MTRES1: variants seen among roughly 807,000 people sequenced by gnomAD.
MTRES1 encodes the protein uncharacterized protein C6orf203.
A neutral mutation model predicts 17.4 loss-of-function variants in MTRES1; 11 were observed. That is an observed-to-expected ratio of 0.63 (90% CI 0.40 to 1.05). The LOEUF is 1.05. Among genes scored for constraint, MTRES1 ranks in the 50% least tolerant of loss-of-function variants. The pLI is 0.00. For synonymous variants in MTRES1, 94 were observed against 99.6 expected (o/e 0.94, Z 0.34); for missense variants, 268 against 276.2 (o/e 0.97, Z 0.21).
chr6:107,047,219 T>TC (rs1774424671), intron 3 of MTRES1, among the ~76,000 whole-genome samples: 1 of 152,032 alleles, frequency 6.6e-6, no homozygotes, highest in Non-Finnish European at 1.5e-5. Flanking sequence ...ATTTTTTTTT[T>TC]CTTTTTCTTT....
chr6:107,050,851 A>G (rs1467511484), intron 3 of MTRES1, among the ~76,000 whole-genome samples: 1 of 152,134 alleles, frequency 6.6e-6, no homozygotes, highest in African/African-American at 2.4e-5. Context: ...TGCTGGGATT[A>G]CAGGCGTGAG....
chr6:107,042,719 G>T (rs1256181979), intron 2 of MTRES1, among the ~76,000 whole-genome samples: 1 of 152,106 alleles, frequency 6.6e-6, no homozygotes, highest in Non-Finnish European at 1.5e-5. Context: ...AGTGTACAGA[G>T]CAGGTGTCTG....
At chr6:107,050,941 C>T (rs1458829139) in intron 3 of MTRES1, 116 bp from the exon 4 acceptor site, 8 of 821,402 alleles carry the variant, frequency 9.7e-6, no homozygotes, top group Non-Finnish European at 1.6e-5. Context: ...AGGGCCTTTA[C>T]TCACCTGCCC....
At chr6:107,040,269 G>A (rs1554227555) in intron 2 of MTRES1, 39 bp downstream of exon 2, 1 of 1,534,396 alleles carries the variant, frequency 6.5e-7, no homozygotes, top group East Asian at 2.3e-5. Flanking sequence ...CTCGCTCGTA[G>A]TCATGTTATT....
intron 1 of MTRES1, among the ~76,000 whole-genome samples, chr6:107,030,502 C>G (rs1205930161): frequency 1.3e-5 from 2 of 152,102 alleles, no homozygotes; most frequent in East Asian, 1.9e-4. Flanking sequence ...TGGAGGAAAC[C>G]CGGTGCAGTC....
At chr6:107,045,483 CA>C (rs61396424) in intron 3 of MTRES1, among the ~76,000 whole-genome samples, 120,155 of 132,094 alleles carry the variant, frequency 0.91, 54,496 homozygotes, top group East Asian at 0.98. Context: ...GACTTCGTCT[CA>C]AAAAAAAAAA....
At chr6:107,036,342 C>A (rs1554226934) in intron 1 of MTRES1, among the ~76,000 whole-genome samples, 3 of 151,662 alleles carry the variant, frequency 2.0e-5, no homozygotes, top group Non-Finnish European at 1.5e-5. Context: ...TCAGGAGTTC[C>A]AGACGAGCCT....
chr6:107,031,720 C>G (rs1270833144), intron 1 of MTRES1, among the ~76,000 whole-genome samples: 5 of 152,050 alleles, frequency 3.3e-5, no homozygotes, highest in Non-Finnish European at 7.3e-5. Context: ...CGTGCCTCAT[C>G]CTACTGAGTA....
chr6:107,032,897 G>A (rs544974896), intron 1 of MTRES1, among the ~76,000 whole-genome samples: 5 of 152,236 alleles, frequency 3.3e-5, no homozygotes, highest in African/African-American at 2.4e-5. Flanking sequence ...CTTGCTCTGC[G>A]CTCCAGCTGG....
chr6:107,041,822 T>C (rs1306308722), intron 2 of MTRES1, among the ~76,000 whole-genome samples: 2 of 151,958 alleles, frequency 1.3e-5, no homozygotes, highest in Non-Finnish European at 2.9e-5. Flanking sequence ...CCACCGCGCC[T>C]GGCGAAGATT....
At chr6:107,030,215 A>C in intron 1 of MTRES1, 1 of 716,434 alleles carries the variant, frequency 1.4e-6, no homozygotes, top group Non-Finnish European at 2.6e-6. Flanking sequence ...GGAGCACCAG[A>C]TCCTATAGAG....
At chr6:107,046,930 T>TTTTGTGTGTGTGTGTGTG (rs1367322880) in intron 3 of MTRES1, among the ~76,000 whole-genome samples, 1 of 33,016 alleles carries the variant, frequency 3.0e-5, no homozygotes, top group African/African-American at 6.7e-5. Context: ...GGATTCATTC[T>TTTTGTGTGTGTGTGTGTG]TGTGTGTGTG....
At chr6:107,050,991 G>A in intron 3 of MTRES1, 66 bp from the exon 4 acceptor site, 1 of 1,336,654 alleles carries the variant, frequency 7.5e-7, no homozygotes. Context: ...ACTCAGAGCA[G>A]TAATGTTTGC....
rs1010199170 is a variant in MTRES1 at position 107,030,327 on chromosome 6, G to A, written c.-13+2056G>A. On this transcript the variant is annotated intron_variant, in intron 1 of 3. Transcript: ENST00000311381. ...GAATGACTTTATTATGTGCCCACGT[G>A]GAGGTGTCAAATAGGCAGCTATTGT... Among the ~76,000 whole-genome samples the A allele has an allele frequency of 2.4e-4, 37 of 152,184 alleles. 1 individual carries two copies. Among genetic ancestry groups the A allele is most frequent in the African/African-American group, 8.4e-4 (35 of 41,458 alleles).
chr6:107,049,603 C>T (rs1162356301), intron 3 of MTRES1, among the ~76,000 whole-genome samples: 11 of 151,638 alleles, frequency 7.3e-5, no homozygotes, highest in South Asian at 2.1e-4. Flanking sequence ...TTAGTAGAGA[C>T]GGGGTTTCAC....
chr6:107,031,445 CTTTTCTTT>C (rs1773836748), intron 1 of MTRES1, among the ~76,000 whole-genome samples: 2 of 5,216 alleles, frequency 3.8e-4, no homozygotes, highest in Non-Finnish European at 6.5e-4. Context: ...GCAAAGGAGT[CTTTTCTTT>C]TTTTTTTTTT....
At chr6:107,036,020 GAA>G (rs1225948078) in intron 1 of MTRES1, among the ~76,000 whole-genome samples, 3 of 151,932 alleles carry the variant, frequency 2.0e-5, no homozygotes, top group Non-Finnish European at 4.4e-5. Flanking sequence ...GAAATTTTAT[GAA>G]AAAATATTAT....
intron 3 of MTRES1, among the ~76,000 whole-genome samples, chr6:107,048,057 T>C (rs1250761873): frequency 1.3e-5 from 2 of 152,138 alleles, no homozygotes; most frequent in Non-Finnish European, 2.9e-5. Flanking sequence ...CTGAGCAACA[T>C]GTGAGACCTC....
chr6:107,044,172 C>G, intron 2 of MTRES1, 88 bp from the exon 3 acceptor site: 5 of 851,840 alleles, frequency 5.9e-6, no homozygotes, highest in South Asian at 1.6e-5. Flanking sequence ...AGTTTTGTTA[C>G]GTGGATATAC....
Sources: gnomAD v4.1 joint callset for allele counts (sites outside exome capture counted in the v4.1 genomes callset) on GRCh38, gnomAD v4.1.1 for gene constraint, MANE v1.5 for transcripts, NCBI Gene and HGNC (gene_info 2026-07-23, HGNC 2026-07-21) for gene names.